Variants in LRP6 observed in about 807,000 individuals in gnomAD.
The protein encoded by LRP6 is LDL receptor related protein 6, also known as low-density lipoprotein receptor-related protein 6.
Under a neutral mutation model 184.1 loss-of-function variants are expected in LRP6, and 43 were observed. The ratio of observed to expected loss-of-function variants is 0.23; its 90% CI spans 0.18 to 0.30. The LOEUF is 0.30. Ranked by LOEUF, LRP6 falls within the 10% of genes least tolerant of loss-of-function variation. The probability of loss-of-function intolerance (pLI) is 1.00; values close to 1 mark genes in which losing one functional copy is unlikely to be tolerated. For synonymous variants in LRP6, 719 were observed against 684.9 expected (o/e 1.05, Z -0.78); for missense variants, 1,571 against 2,005.3 (o/e 0.78, Z 4.14).
intron 4 of LRP6, among the ~76,000 whole-genome samples, chr12:12,185,388 C>T (rs1863443943): frequency 1.3e-5 from 2 of 152,116 alleles, no homozygotes; most frequent in South Asian, 4.1e-4. Context: ...AGAAGAGTAA[C>T]ACATACACTT....
chr12:12,130,953 C>G, intron 18 of LRP6, 60 bp from the exon 19 acceptor site: 1 of 949,872 alleles, frequency 1.1e-6, no homozygotes, highest in Non-Finnish European at 1.7e-6. Context: ...CAAACTCTGG[C>G]AAGAATCAAA....
rs781292617 is a variant in LRP6, at chr12:12,124,642, G to C, written c.4470C>G (p.Ser1490=). 9 of 1,611,740 alleles carry C rather than the reference G, an allele frequency of 5.6e-6. No individual in the cohort carries two copies. In the Admixed American group the frequency reaches 1.2e-4, roughly 21 times the overall value. Residue 1490 remains serine (S), a synonymous_variant, in exon 22 of 23, where the codon TCC becomes TCG. Transcript: ENST00000261349. ...TGTAATGTGATCGCTCTGTGGCTGG[G>C]GATGGTGGAGGGTTCAAAATCTAAA... The part of the protein sequence containing the change: ...YFPAILNPPP[S]PATERSHYTM...
At chr12:12,171,382 C>T (rs781279842) in intron 7 of LRP6, among the ~76,000 whole-genome samples, 1 of 151,858 alleles carries the variant, frequency 6.6e-6, no homozygotes, top group South Asian at 2.1e-4. Context: ...ACTAGCCAGG[C>T]GTGGTGGCGG....
In LRP6 at chr12:12,147,376, A is replaced by G; in HGVS notation, c.3387T>C (p.Ser1129=). 11 of 1,614,184 alleles carry G rather than the reference A, an allele frequency of 6.8e-6. No homozygotes were observed. Among genetic ancestry groups the G allele is most frequent in the Non-Finnish European group, 9.3e-6 (11 of 1,180,002 alleles). Residue 1129 remains serine, a synonymous_variant, in exon 15 of 23, where the codon AGT becomes AGC. Coordinates refer to ENST00000261349, the MANE Select transcript of LRP6 (RefSeq NM_002336.3). ...ADSDLRRIES[S]DLSGANRIVL... is the part of the protein sequence containing the mutation. ...ATATTTCTTGGGTACCTGAGAGATC[A>G]CTGCTTTCAATTCGCCGGAGATCTG...
At chr12:12,177,914 G>A (rs959342272) in intron 7 of LRP6, among the ~76,000 whole-genome samples, 3 of 151,868 alleles carry the variant, frequency 2.0e-5, no homozygotes, top group African/African-American at 7.3e-5. Flanking sequence ...ACGAATGAAC[G>A]AATGAATGAA....
Position 12,138,742 on chromosome 12 carries a change from A to G in LRP6, c.3398-208T>C, listed in dbSNP as rs1371045140. The G allele has an allele frequency of 2.0e-6, 3 of 1,473,870 alleles. No homozygotes were observed. In the African/African-American group the frequency reaches 4.3e-5, roughly 21 times the overall value. The allele number at this position is 1,473,870 out of a possible 1,614,324, so 91.3% of individuals were successfully genotyped here. On this transcript the variant is annotated intron_variant, in intron 15 of 22. Transcript: ENST00000261349. Reference sequence around the variant, plus strand: ...ATTAATATGCAATCAAGAGCAAGTAAGTGCCCAATGTGCAGTAAATATTCT... The same window carrying G: ...ATTAATATGCAATCAAGAGCAAGTAGGTGCCCAATGTGCAGTAAATATTCT...
chr12:12,143,687 C>T (rs1949964110), intron 15 of LRP6, among the ~76,000 whole-genome samples: 1 of 152,134 alleles, frequency 6.6e-6, no homozygotes, highest in Non-Finnish European at 1.5e-5. Context: ...GAAAAAAATG[C>T]ATTTTAACCC....
Position 12,125,366 on chromosome 12 carries a change from T to A in LRP6, c.4379A>T (p.Tyr1460Phe). The change falls in exon 21 of 23, where the codon TAT becomes TTT. Residue 1460 changes from tyrosine to phenylalanine, a missense_variant. Physicochemically the swap from Tyr to Phe is conservative, Grantham distance 22 (BLOSUM62 3). This residue lies in a region of LRP6 where 763 missense variants were observed against 859.5 expected (regional missense o/e 0.89). Coordinates refer to ENST00000261349, the MANE Select transcript of LRP6 (RefSeq NM_002336.3). ...SIMGGSSGPP[Y>F]DRAHVTGASS... ...TGCTCCTGTAACATGGGCTCGGTCA[T>A]AGGGGGGTCCACTGCTTCCCCCCAT... The A allele has an allele frequency of 6.2e-7, 1 of 1,614,002 alleles. No individual in the cohort carries two copies. The highest frequency in any genetic ancestry group is 8.5e-7 in the Non-Finnish European group (1 of 1,179,922).
At chr12:12,187,910 T>C (rs779541334) in intron 3 of LRP6, among the ~76,000 whole-genome samples, 10 of 152,156 alleles carry the variant, frequency 6.6e-5, no homozygotes, top group South Asian at 2.1e-4. Context: ...GAGAGAGTTA[T>C]AGAATAAGCA....
rs189169788 is a variant in LRP6 at position 12,171,332 on chromosome 12, T to C, written c.1546-6037A>G. ...GAGATCAAGACCATCCTGGCTAACA[T>C]GGTGAAACTCCATCTCTACTAAAAA... is the stretch of plus-strand genomic sequence containing the variant. On this transcript the variant is annotated intron_variant, in intron 7 of 22. Coordinates refer to ENST00000261349, the MANE Select transcript of LRP6 (RefSeq NM_002336.3). Among the ~76,000 whole-genome samples, 258 of 152,096 alleles carry C rather than the reference T, an allele frequency of 1.7e-3. 2 individuals are homozygous for C. The highest frequency in any genetic ancestry group is 5.4e-3 in the South Asian group (26 of 4,816).
chr12:12,246,455 G>A (rs1156557396), intron 1 of LRP6, among the ~76,000 whole-genome samples: 3 of 151,390 alleles, frequency 2.0e-5, no homozygotes, highest in African/African-American at 7.3e-5. Flanking sequence ...GCTCACGCCT[G>A]TAATCCCAGC....
At chr12:12,205,780 G>A (rs1349491648) in intron 2 of LRP6, among the ~76,000 whole-genome samples, 1 of 152,098 alleles carries the variant, frequency 6.6e-6, no homozygotes, top group Non-Finnish European at 1.5e-5. Context: ...GTATGTCATG[G>A]GTCAGAGCCT....
intron 18 of LRP6, 77 bp from the exon 19 acceptor site, chr12:12,130,970 C>T: frequency 1.3e-6 from 1 of 782,848 alleles, no homozygotes; most frequent in Non-Finnish European, 2.3e-6. Flanking sequence ...CAAAAGGTGC[C>T]TTCTGAACAC....
chr12:12,249,701 AAGGAAGGAAGGAAGGAAGG>A (rs1194713010), intron 1 of LRP6, among the ~76,000 whole-genome samples: 1 of 143,868 alleles, frequency 7.0e-6, no homozygotes. Context: ...GGAAGGAAGG[AAGGAAGGAAGGAAGGAAGG>A]AAGGAAGGAA....
At chr12:12,156,754 G>A (rs1017890072) in intron 12 of LRP6, among the ~76,000 whole-genome samples, 2 of 152,172 alleles carry the variant, frequency 1.3e-5, no homozygotes, top group African/African-American at 4.8e-5. Context: ...CTCTGTCTTC[G>A]TGCCTCTATT....
In LRP6 at chr12:12,120,332, G is replaced by C. The variant is rs1331975421; in HGVS notation, c.*794C>G. On this transcript the variant is annotated 3_prime_UTR_variant, in exon 23 of 23. Transcript: ENST00000261349. ...AAAATTCCATTTAGTCAATGCTTCA[G>C]CTTAAAAAAATCATGGTATCTTAGC... 1 of 151,862 alleles carries C rather than the reference G, an allele frequency of 6.6e-6. No individual in the cohort carries two copies. The highest frequency in any genetic ancestry group is 6.6e-5 in the Admixed American group (1 of 15,240). The allele number at this position is 151,862 out of a possible 1,614,324, so 9.4% of individuals were successfully genotyped here.
intron 1 of LRP6, among the ~76,000 whole-genome samples, chr12:12,263,266 T>TAAAA (rs771488860): frequency 2.3e-5 from 1 of 44,392 alleles, no homozygotes. Context: ...ACTCTGTCTT[T>TAAAA]AAAAAAAAAA....
At chr12:12,199,983 A>T (rs1311436868) in intron 3 of LRP6, among the ~76,000 whole-genome samples, 1 of 148,866 alleles carries the variant, frequency 6.7e-6, no homozygotes, top group South Asian at 2.1e-4. Flanking sequence ...AAAAAAAAAA[A>T]AAAAAAAAAA....
At chr12:12,253,676 T>C (rs901528070) in intron 1 of LRP6, among the ~76,000 whole-genome samples, 8 of 151,520 alleles carry the variant, frequency 5.3e-5, no homozygotes, top group Non-Finnish European at 1.0e-4. Context: ...ATGCGGTGTT[T>C]GGTTTTTCGT....
Sources: gnomAD v4.1 joint callset for allele counts (sites outside exome capture counted in the v4.1 genomes callset) on GRCh38, gnomAD v4.1.1 for gene constraint, gnomAD v4.1.1 regional missense constraint, MANE v1.5 for transcripts, NCBI Gene and HGNC (gene_info 2026-07-23, HGNC 2026-07-21) for gene names.